UNC5B: variants seen among roughly 807,000 people sequenced by gnomAD.
The protein encoded by UNC5B is netrin receptor UNC5B.
UNC5B carries 56 observed loss-of-function variants against 103.7 expected under a neutral mutation model. The ratio of observed to expected loss-of-function variants is 0.54; its 90% CI spans 0.44 to 0.67. The LOEUF (loss-of-function observed/expected upper bound fraction) is 0.67, where lower values mean the gene tolerates loss of function less well. Ranked by LOEUF, UNC5B falls within the 30% of genes least tolerant of loss-of-function variation. The pLI is 0.00. For missense variants in UNC5B, 1,194 were observed against 1,284.5 expected (o/e 0.93, Z 1.08); for synonymous variants, 577 against 542.0 (o/e 1.06, Z -0.90).
rs1354437814 is a variant in UNC5B, at chr10:71,224,415, A to ACACACACACG, written c.79+11352_79+11353insACACACACGC. Among the ~76,000 whole-genome samples the ACACACACACG allele has an allele frequency of 1.5e-3, 219 of 149,552 alleles. 2 individuals are homozygous for ACACACACACG. The highest frequency in any genetic ancestry group is 5.2e-3 in the African/African-American group (207 of 40,176). On this transcript the variant is annotated intron_variant, in intron 1 of 16. Coordinates refer to ENST00000335350, the MANE Select transcript of UNC5B (RefSeq NM_170744.5). ...CACACACACACACACACACACACACACGAAATGACAGCAGAAAAAGCCCCA... is the reference window on the plus strand; with the variant it reads ...CACACACACACACACACACACACACACACACACACGCGAAATGACAGCAGAAAAAGCCCCA...
Position 71,279,802 on chromosome 10 carries a change from G to T in UNC5B, c.80-19G>T. 1 of 1,608,476 alleles carries T rather than the reference G, an allele frequency of 6.2e-7. No homozygotes were observed. Among genetic ancestry groups the T allele is most frequent in the Non-Finnish European group, 8.5e-7 (1 of 1,177,878 alleles). On this transcript the variant is annotated intron_variant, in intron 1 of 16. Coordinates refer to ENST00000335350, the MANE Select transcript of UNC5B (RefSeq NM_170744.5). ...CCTCCCAGCACACAGCCTCATGGAG[G>T]TCTCCACTCACTCTGCAGGCACTGA...
intron 13 of UNC5B, 67 bp downstream of exon 13, chr10:71,294,000 C>T (rs1845343719): frequency 1.4e-6 from 2 of 1,422,666 alleles, no homozygotes; most frequent in East Asian, 2.5e-5. Flanking sequence ...CCAGAATCCC[C>T]CACCCCAGGC....
In UNC5B at chr10:71,291,061, G is replaced by T. The variant is rs1299265203; in HGVS notation, c.1246G>T (p.Ala416Ser). 1 of 1,614,126 alleles carries T rather than the reference G, an allele frequency of 6.2e-7. No individual in the cohort carries two copies. Among genetic ancestry groups the T allele is most frequent in the Admixed American group, 1.7e-5 (1 of 60,016 alleles). ...CACAGACATCACTGACTCATCTGCTGCCCTGACTGGTGGTTTCCACCCCGT... is the reference window on the plus strand; with the variant it reads ...CACAGACATCACTGACTCATCTGCTTCCCTGACTGGTGGTTTCCACCCCGT... ...FDTDITDSSAALTGGFHPVNF... is the reference protein window; with the variant it reads ...FDTDITDSSASLTGGFHPVNF... Residue 416 changes from alanine to serine, a missense_variant, in exon 9 of 17, where the codon GCC becomes TCC. By Grantham distance (99) the Ala-to-Ser change is moderately conservative. Transcript: ENST00000335350.
At chr10:71,242,253 C>G (rs1241973771) in intron 1 of UNC5B, among the ~76,000 whole-genome samples, 1 of 152,212 alleles carries the variant, frequency 6.6e-6, no homozygotes, top group Non-Finnish European at 1.5e-5. Flanking sequence ...CTCGCCCCAC[C>G]TCCCCCTGGG....
intron 2 of UNC5B, among the ~76,000 whole-genome samples, chr10:71,281,338 A>T (rs1159742229): frequency 6.8e-6 from 1 of 146,646 alleles, no homozygotes; most frequent in Non-Finnish European, 1.5e-5. Flanking sequence ...AAATGGAAAA[A>T]GGAATTTTTT....
intron 1 of UNC5B, among the ~76,000 whole-genome samples, chr10:71,276,810 G>A (rs879919936): frequency 3.3e-5 from 5 of 152,228 alleles, no homozygotes; most frequent in Non-Finnish European, 5.9e-5. Flanking sequence ...GTCCCTCCAG[G>A]CAGGAACCTC....
rs946980 is a variant in UNC5B at position 71,302,731 on chromosome 10, G to A, written c.*3454G>A. 0.095 allele frequency: 14,521 copies of A among 152,238 alleles called. 854 individuals are homozygous for A. The highest frequency in any genetic ancestry group is 0.2 in the East Asian group (1,050 of 5,176). 9.4% of individuals were successfully genotyped at this position (152,238 alleles called of 1,614,324 possible). A position where few individuals can be genotyped will look rare whatever the true frequency, so the allele number is the denominator to read the frequency against. ...GGTTATATGCCCGGGAGAGGGGGGT[G>A]CAGGGCCCCAGGGATGGCCCCCAAT... On this transcript the variant is annotated 3_prime_UTR_variant, in exon 17 of 17. Coordinates refer to ENST00000335350, the MANE Select transcript of UNC5B (RefSeq NM_170744.5).
At chr10:71,290,374 G>A (rs16928646) in intron 8 of UNC5B, among the ~76,000 whole-genome samples, 7,159 of 152,190 alleles carry the variant, frequency 0.047, 241 homozygotes, top group East Asian at 0.11. Context: ...CTTCTCCACC[G>A]CATTGTTGTG....
In UNC5B at chr10:71,295,884, G is replaced by A. The variant is rs1260988796; in HGVS notation, c.2249G>A (p.Ser750Asn). The change falls in exon 14 of 17, where the codon AGT (serine) becomes AAT (asparagine). Residue 750 changes from serine to asparagine, a missense_variant. Transcript: ENST00000335350. ...EEPKPLMFKD[S>N]YHNLRLSLHD... ...CCGAAACCGCTAATGTTCAAGGACAGTTACCACAACCTGCGCCTCTCCCTC... is the reference window on the plus strand; with the variant it reads ...CCGAAACCGCTAATGTTCAAGGACAATTACCACAACCTGCGCCTCTCCCTC... The A allele has an allele frequency of 6.2e-7, 1 of 1,613,384 alleles. No homozygotes were observed. Among genetic ancestry groups the A allele is most frequent in the Admixed American group, 1.7e-5 (1 of 60,034 alleles).
In UNC5B at chr10:71,213,539, G is replaced by A. The variant is rs1390328570; in HGVS notation, c.79+475G>A. 6.6e-6 allele frequency among the ~76,000 whole-genome samples: 1 copy of A among 152,126 alleles called. No individual in the cohort carries two copies. Among genetic ancestry groups the A allele is most frequent in the Non-Finnish European group, 1.5e-5 (1 of 68,032 alleles). The stretch of plus-strand genomic sequence containing the variant: ...CAGCAATCTGCAGACTAGAGGGAGA[G>A]AGCGAAAAGACCTGCTGAACACAGG... On this transcript the variant is annotated intron_variant, in intron 1 of 16. Coordinates refer to ENST00000335350, the MANE Select transcript of UNC5B (RefSeq NM_170744.5). The surrounding 1 kb of genome is among the most constrained non-coding windows in gnomAD (Gnocchi z 4.1).
chr10:71,223,265 C>A (rs1843487010), intron 1 of UNC5B, among the ~76,000 whole-genome samples: 1 of 152,198 alleles, frequency 6.6e-6, no homozygotes, highest in Non-Finnish European at 1.5e-5. Flanking sequence ...CTGAATAAAT[C>A]TCTGTAGAAT....
chr10:71,240,540 C>T (rs1190940002), intron 1 of UNC5B, among the ~76,000 whole-genome samples: 1 of 152,206 alleles, frequency 6.6e-6, no homozygotes, highest in African/African-American at 2.4e-5. Context: ...CAAACCCCAT[C>T]CCTCGCCCTG....
Position 71,291,311 on chromosome 10 carries a change from T to G in UNC5B, c.1295-121T>G, listed in dbSNP as rs570591483. On this transcript the variant is annotated intron_variant, in intron 9 of 16. Transcript: ENST00000335350. ...ACCCAGGCTGCGGGATTCCCAAAGCTTCCTGCAGCTGGCAGCAATTGGGCC... is the reference window on the plus strand; with the variant it reads ...ACCCAGGCTGCGGGATTCCCAAAGCGTCCTGCAGCTGGCAGCAATTGGGCC... 63 of 1,466,164 alleles carry G rather than the reference T, an allele frequency of 4.3e-5. No homozygotes were observed. The Admixed American group carries it at 7.0e-4, about 16-fold the overall frequency. 90.8% of individuals were successfully genotyped at this position (1,466,164 alleles called of 1,614,324 possible).
chr10:71,245,255 C>T (rs537437547), intron 1 of UNC5B, among the ~76,000 whole-genome samples: 3 of 152,304 alleles, frequency 2.0e-5, no homozygotes, highest in East Asian at 1.9e-4. Context: ...ACCAGCATCA[C>T]CTGGAAGCTT....
intron 3 of UNC5B, 121 bp from the exon 4 acceptor site, chr10:71,285,205 G>GC (rs1845040303): frequency 3.8e-6 from 4 of 1,060,254 alleles, no homozygotes; most frequent in Non-Finnish European, 1.4e-6. Flanking sequence ...CCAGGCAAAG[G>GC]CCAGGTGGGC....
intron 1 of UNC5B, among the ~76,000 whole-genome samples, chr10:71,271,602 A>G (rs1246456614): frequency 6.6e-6 from 1 of 152,198 alleles, no homozygotes; most frequent in Non-Finnish European, 1.5e-5. Context: ...CAGTGACTCT[A>G]GTGCCCTTTC....
intron 13 of UNC5B, among the ~76,000 whole-genome samples, chr10:71,295,305 G>A (rs556476232): frequency 3.4e-4 from 52 of 152,266 alleles, no homozygotes; most frequent in Admixed American, 9.1e-4. Flanking sequence ...AAGTTACCAG[G>A]TTTGGGCCTG....
At chr10:71,226,749 GCCATATTAATATCATGTT>G (rs1347615780) in intron 1 of UNC5B, among the ~76,000 whole-genome samples, 2 of 152,166 alleles carry the variant, frequency 1.3e-5, no homozygotes, top group Admixed American at 1.3e-4. Context: ...TTAATAACAT[GCCATATTAATATCATGTT>G]CCATATTAAT....
At chr10:71,296,062 T>TA (rs1845404240) in intron 14 of UNC5B, 102 bp downstream of exon 14, 1 of 1,494,600 alleles carries the variant, frequency 6.7e-7, no homozygotes, top group Admixed American at 1.9e-5. Context: ...CCTGTGGCCT[T>TA]ACCCCTCCCT....
Sources: gnomAD v4.1 joint callset for allele counts (sites outside exome capture counted in the v4.1 genomes callset) on GRCh38, gnomAD v4.1.1 for gene constraint, Gnocchi (gnomAD v3.1) non-coding constraint, MANE v1.5 for transcripts, NCBI Gene and HGNC (gene_info 2026-07-23, HGNC 2026-07-21) for gene names.